TIAM1: variants seen among roughly 807,000 people sequenced by gnomAD.
The protein encoded by TIAM1 is rho guanine nucleotide exchange factor TIAM1.
TIAM1 carries 65 observed loss-of-function variants against 163.5 expected under a neutral mutation model. The ratio of observed to expected loss-of-function variants is 0.40; its 90% CI spans 0.33 to 0.49. The LOEUF (loss-of-function observed/expected upper bound fraction) is 0.49. TIAM1 is among the 20% of genes least tolerant of loss of function. TIAM1 has a pLI of 0.77. For missense variants in TIAM1, 1,789 were observed against 2,044.7 expected (o/e 0.87, Z 2.41); for synonymous variants, 833 against 810.1 (o/e 1.03, Z -0.48).
chr21:31,266,271 G>A lies in TIAM1; in HGVS notation c.702C>T (p.Asp234=). The part of the protein sequence containing the change: ...STCQRANSLG[D]LYAQKNSGVT... ...CTCCAGAGTTTTTCTGAGCATACAA[G>A]TCACCCAAGGAATTGGCTCTCTGAC... The change falls in exon 4 of 28, where the codon GAC becomes GAT. Residue 234 remains aspartate (D), a synonymous_variant. Coordinates refer to ENST00000541036, the MANE Select transcript of TIAM1 (RefSeq NM_001353694.2). 1 of 1,614,208 alleles carries A rather than the reference G, an allele frequency of 6.2e-7. No individual in the cohort carries two copies. Among genetic ancestry groups the A allele is most frequent in the Non-Finnish European group, 8.5e-7 (1 of 1,180,042 alleles).
chr21:31,144,657 C>T (rs559237561), intron 20 of TIAM1, among the ~76,000 whole-genome samples: 2 of 151,618 alleles, frequency 1.3e-5, no homozygotes, highest in African/African-American at 2.4e-5. Flanking sequence ...GTGAGACCCC[C>T]GTCTCTACTA....
rs145553385 is a variant in TIAM1, at chr21:31,547,875, T to C, written c.-422+11052A>G. ...GGATGAGCTTTGCATGACACAGTTA[T>C]TAGCAATATCCAGAAGACATTAATT... On this transcript the variant is annotated intron_variant, in intron 1 of 28. Transcript: ENST00000286827. Among the ~76,000 whole-genome samples, 24 of 152,292 alleles carry C rather than the reference T, an allele frequency of 1.6e-4. No homozygotes were observed. The East Asian group carries it at 4.6e-3, about 29-fold the overall frequency.
intron 15 of TIAM1, among the ~76,000 whole-genome samples, chr21:31,170,406 A>G (rs1212317510): frequency 6.6e-6 from 1 of 152,236 alleles, no homozygotes; most frequent in Non-Finnish European, 1.5e-5. Context: ...ATATTAGGCC[A>G]CAGTGTAAAT....
intron 1 of TIAM1, among the ~76,000 whole-genome samples, chr21:31,471,870 A>AAATAAT (rs551501073): frequency 0.012 from 1,407 of 118,892 alleles, 15 homozygotes; most frequent in South Asian, 0.04. Context: ...ACTCCATCTC[A>AAATAAT]AATAATAATA....
At chr21:31,475,641 T>C (rs2045913997) in intron 1 of TIAM1, among the ~76,000 whole-genome samples, 1 of 152,214 alleles carries the variant, frequency 6.6e-6, no homozygotes, top group South Asian at 2.1e-4. Flanking sequence ...GGTCTAGTGA[T>C]GTTTTCTTGC....
rs780562197 is a variant in TIAM1 at position 31,127,172 on chromosome 21, A to T, written c.4046-20T>A. Reference sequence around the variant, plus strand: ...CTGCATCTAAAGAAATTAAAACAACAATGAATCAGGGTATGTTTCAAGTGG... The same window carrying T: ...CTGCATCTAAAGAAATTAAAACAACTATGAATCAGGGTATGTTTCAAGTGG... On this transcript the variant is annotated intron_variant, in intron 25 of 27. Coordinates refer to ENST00000541036, the MANE Select transcript of TIAM1 (RefSeq NM_001353694.2). 6.2e-7 allele frequency: 1 copy of T among 1,608,386 alleles called. No individual in the cohort carries two copies. Among genetic ancestry groups the T allele is most frequent in the Non-Finnish European group, 8.5e-7 (1 of 1,174,902 alleles).
In TIAM1 at chr21:31,153,067, T is replaced by C. The variant is rs1265297696; in HGVS notation, c.3239A>G (p.Glu1080Gly). 1 of 1,613,140 alleles carries C rather than the reference T, an allele frequency of 6.2e-7. No homozygotes were observed. Among genetic ancestry groups the C allele is most frequent in the South Asian group, 1.1e-5 (1 of 90,796 alleles). Reference sequence around the variant, plus strand: ...AAGTTGAAACCATTTCCAGCATACCTCATCCTGGGTGAGAAAAGTTTCTTT... The same window carrying C: ...AAGTTGAAACCATTTCCAGCATACCCCATCCTGGGTGAGAAAAGTTTCTTT... ...LQKETFLTQD[E>G]LDVLFGNLTE... Residue 1080 changes from glutamate (E) to glycine (G), a missense_variant and splice_region_variant, in exon 18 of 28, where the codon GAG (glutamate) becomes GGG (glycine). Physicochemically the swap from Glu to Gly is moderately conservative, Grantham distance 98. Around this residue, in one of 5 missense-constraint regions of TIAM1, gnomAD observed 303 missense variants for 321.3 expected, o/e 0.94. Coordinates refer to ENST00000541036, the MANE Select transcript of TIAM1 (RefSeq NM_001353694.2).
rs967946918 is a variant in TIAM1, at chr21:31,212,509, A to G, written c.2217+889T>C. On this transcript the variant is annotated intron_variant, in intron 10 of 27. Coordinates refer to ENST00000541036, the MANE Select transcript of TIAM1 (RefSeq NM_001353694.2). ...ATTTAGAGGCTGAAAAAAGTGGCCA[A>G]TTAAAAAACAAATCAGTATTTTTAT... 4.6e-5 allele frequency: 7 copies of G among 152,034 alleles called. No individual in the cohort carries two copies. In the East Asian group the frequency reaches 1.2e-3, roughly 25 times the overall value. The allele number at this position is 152,034 out of a possible 1,614,324, so 9.4% of individuals were successfully genotyped here.
chr21:31,517,210 A>T (rs1430385654), intron 1 of TIAM1, among the ~76,000 whole-genome samples: 1 of 152,098 alleles, frequency 6.6e-6, no homozygotes, highest in East Asian at 1.9e-4. Flanking sequence ...TCCCTGCTCC[A>T]TCACACGATC....
Position 31,139,078 on chromosome 21 carries a change from T to G in TIAM1, c.3774+2040A>C, listed in dbSNP as rs1239986770. Among the ~76,000 whole-genome samples, 3 of 152,366 alleles carry G rather than the reference T, an allele frequency of 2.0e-5. No individual in the cohort carries two copies. The East Asian group carries it at 5.8e-4, about 29-fold the overall frequency. On this transcript the variant is annotated intron_variant, in intron 22 of 27. Transcript: ENST00000541036. The stretch of plus-strand genomic sequence containing the variant: ...CTTTGTTCCTCACTGGAAAGATTTC[T>G]TACATATCAGAATTTCATTTTAAAG...
chr21:31,533,706 T>C (rs895307403), intron 1 of TIAM1, among the ~76,000 whole-genome samples: 17 of 152,214 alleles, frequency 1.1e-4, no homozygotes, highest in African/African-American at 3.9e-4. Flanking sequence ...CTCTCCGGCC[T>C]GGGTGACAGA....
intron 2 of TIAM1, among the ~76,000 whole-genome samples, chr21:31,452,169 T>C (rs887810740): frequency 6.6e-6 from 1 of 152,176 alleles, no homozygotes; most frequent in African/African-American, 2.4e-5. Context: ...TGATTATATT[T>C]CATTATGTAA....
chr21:31,222,707 ATTTTTTTTTT>A (rs527864043), intron 8 of TIAM1, among the ~76,000 whole-genome samples: 10 of 32,882 alleles, frequency 3.0e-4, no homozygotes, highest in Admixed American at 2.0e-3. Flanking sequence ...ATATATATAT[ATTTTTTTTTT>A]TTTTTTTTTT....
chr21:31,124,768 C>T, intron 26 of TIAM1, 74 bp from the exon 27 acceptor site: 4 of 1,301,228 alleles, frequency 3.1e-6, no homozygotes, highest in South Asian at 1.8e-5. Context: ...TTATCAGGTG[C>T]AACCAAATAA....
intron 2 of TIAM1, among the ~76,000 whole-genome samples, chr21:31,357,042 C>G (rs2076327634): frequency 1.3e-5 from 2 of 152,194 alleles, no homozygotes; most frequent in Admixed American, 1.3e-4. Context: ...TCCCTCAACT[C>G]CCTGGCCCAT....
intron 2 of TIAM1, among the ~76,000 whole-genome samples, chr21:31,358,204 T>C (rs1288011942): frequency 6.6e-6 from 1 of 152,196 alleles, no homozygotes; most frequent in African/African-American, 2.4e-5. Context: ...GGACTGGTCA[T>C]ATCAGCCTCT....
chr21:31,272,681 C>T (rs1310070581), intron 3 of TIAM1, among the ~76,000 whole-genome samples: 1 of 152,164 alleles, frequency 6.6e-6, no homozygotes, highest in African/African-American at 2.4e-5. Flanking sequence ...CCTTAACTAA[C>T]TAACTGAATA....
chr21:31,354,777 A>G (rs200298272), intron 2 of TIAM1, among the ~76,000 whole-genome samples: 1 of 152,098 alleles, frequency 6.6e-6, no homozygotes, highest in Admixed American at 6.5e-5. Flanking sequence ...CTAAAACACC[A>G]AAGTTCAACC....
intron 25 of TIAM1, 109 bp from the exon 26 acceptor site, chr21:31,127,261 T>A (rs1325820639): frequency 2.0e-5 from 18 of 912,260 alleles, no homozygotes. Flanking sequence ...TGCAGAACAC[T>A]GTATAAGATC....
Sources: gnomAD v4.1 joint callset for allele counts (sites outside exome capture counted in the v4.1 genomes callset) on GRCh38, gnomAD v4.1.1 for gene constraint, gnomAD v4.1.1 regional missense constraint, MANE v1.5 for transcripts, NCBI Gene and HGNC (gene_info 2026-07-23, HGNC 2026-07-21) for gene names.